The following PCDHGA5 variants were observed in gnomAD, a reference collection of about 807,000 sequenced individuals.
PCDHGA5 encodes protocadherin gamma-A5.
PCDHGA5 carries 36 observed loss-of-function variants against 56.7 expected under a neutral mutation model. The ratio of observed to expected loss-of-function variants is 0.64; its 90% CI spans 0.49 to 0.84. The LOEUF (loss-of-function observed/expected upper bound fraction) is 0.84, where lower values mean the gene tolerates loss of function less well. Among genes scored for constraint, PCDHGA5 ranks in the 40% least tolerant of loss-of-function variants. PCDHGA5 has a pLI of 0.00. For missense variants in PCDHGA5, 1,305 were observed against 1,201.5 expected (o/e 1.09, Z -1.27); for synonymous variants, 563 against 520.2 (o/e 1.08, Z -1.12).
chr5:141,491,869 G>C lies in PCDHGA5; in HGVS notation c.2422-2938G>C. On this transcript the variant is annotated intron_variant, in intron 1 of 3. Transcript: ENST00000518069. This position sits in a 1 kb window ranked among gnomAD's most constrained non-coding sequence, Gnocchi z 6.9. ...GGACCGTTTGCGCGAAACCAGAGTG[G>C]CCGATTAAGGGATGGGGCTCCGAGC... The C allele has an allele frequency of 6.9e-7, 1 of 1,453,094 alleles. No homozygotes were observed. Among genetic ancestry groups the C allele is most frequent in the South Asian group, 1.5e-5 (1 of 68,080 alleles). 90.0% of individuals were successfully genotyped at this position (1,453,094 alleles called of 1,614,324 possible).
At chr5:141,387,016 T>C (rs2090783508) in intron 1 of PCDHGA5, among the ~76,000 whole-genome samples, 1 of 152,202 alleles carries the variant, frequency 6.6e-6, no homozygotes, top group South Asian at 2.1e-4. Flanking sequence ...ACTTTGAAGA[T>C]GAATGTTGTA....
At chr5:141,495,480 C>A (rs2099761689) in intron 2 of PCDHGA5, among the ~76,000 whole-genome samples, 1 of 152,208 alleles carries the variant, frequency 6.6e-6, no homozygotes, top group African/African-American at 2.4e-5. Flanking sequence ...CGTGTCTCTG[C>A]CCCTTTTTCT....
intron 1 of PCDHGA5, chr5:141,395,403 A>G: frequency 2.4e-6 from 2 of 849,494 alleles, no homozygotes; most frequent in East Asian, 2.8e-5. Flanking sequence ...TCTAATAGTC[A>G]TAGGTTATTG....
In PCDHGA5 at chr5:141,432,690, T is replaced by A. The variant is rs764124373; in HGVS notation, c.2422-62117T>A. 5.0e-6 allele frequency: 8 copies of A among 1,613,854 alleles called. No individual in the cohort carries two copies. The highest frequency in any genetic ancestry group is 2.7e-5 in the African/African-American group (2 of 74,940). ...GACGCGCTCAAGCAGAGCCTCGTAGTGGCCGTCCAGGACCACGGCCAGCCC... is the reference window on the plus strand; with the variant it reads ...GACGCGCTCAAGCAGAGCCTCGTAGAGGCCGTCCAGGACCACGGCCAGCCC... On this transcript the variant is annotated intron_variant, in intron 1 of 3. Coordinates refer to ENST00000518069, the MANE Select transcript of PCDHGA5 (RefSeq NM_018918.3). This position sits in a 1 kb window ranked among gnomAD's most constrained non-coding sequence, Gnocchi z 6.0.
intron 1 of PCDHGA5, chr5:141,372,386 C>T (rs376952769): frequency 2.8e-5 from 45 of 1,614,038 alleles, no homozygotes; most frequent in Non-Finnish European, 3.8e-5. Flanking sequence ...ACCTAATCTT[C>T]GCAGATAGCT....
chr5:141,374,926 TG>T, intron 1 of PCDHGA5: 2 of 1,613,970 alleles, frequency 1.2e-6, no homozygotes, highest in Non-Finnish European at 1.7e-6. Context: ...CTTATTCCTT[TG>T]TGAAGATTAC....
At chr5:141,510,040 G>A (rs2099879305) in intron 3 of PCDHGA5, among the ~76,000 whole-genome samples, 1 of 152,220 alleles carries the variant, frequency 6.6e-6, no homozygotes, top group Non-Finnish European at 1.5e-5. Flanking sequence ...GTTATGTAGA[G>A]GTTAAAAGTG....
chr5:141,394,778 C>A (rs377451053), intron 1 of PCDHGA5: 82 of 1,613,634 alleles, frequency 5.1e-5, no homozygotes, highest in Admixed American at 3.7e-4. Context: ...CCCCTCTCTC[C>A]GCCACTGTCA....
chr5:141,415,603 T>C, intron 1 of PCDHGA5: 6 of 1,613,954 alleles, frequency 3.7e-6, no homozygotes, highest in Non-Finnish European at 5.1e-6. Flanking sequence ...GGATACCCCA[T>C]TGGTTCCAGT....
At chr5:141,389,363 C>A (rs776814041) in intron 1 of PCDHGA5, 5 of 1,613,868 alleles carry the variant, frequency 3.1e-6, no homozygotes, top group Non-Finnish European at 4.2e-6. Context: ...TGGCCAGTGA[C>A]CTGGAGCAGC....
chr5:141,385,141 G>A (rs1183220869), intron 1 of PCDHGA5: 30 of 1,614,084 alleles, frequency 1.9e-5, no homozygotes, highest in African/African-American at 6.7e-5. Context: ...CGGGGTGCAG[G>A]CTTTCCTGCA....
chr5:141,453,752 T>C (rs1404363977), intron 1 of PCDHGA5, among the ~76,000 whole-genome samples: 10 of 152,364 alleles, frequency 6.6e-5, no homozygotes, highest in Admixed American at 5.9e-4. Flanking sequence ...AACATAAGTC[T>C]CCTAAAAATA....
chr5:141,387,021 G>A (rs1385427303), intron 1 of PCDHGA5, among the ~76,000 whole-genome samples: 1 of 152,158 alleles, frequency 6.6e-6, no homozygotes, highest in Non-Finnish European at 1.5e-5. Context: ...GAAGATGAAT[G>A]TTGTATTTCA....
At position 141,365,285 on chromosome 5, in the gene PCDHGA5, G is replaced by T. The variant is rs1215849562; in HGVS notation, c.955G>T (p.Val319Leu). 2 of 1,613,898 alleles carry T rather than the reference G, an allele frequency of 1.2e-6. No individual in the cohort carries two copies. Among genetic ancestry groups the T allele is most frequent in the South Asian group, 1.1e-5 (1 of 91,086 alleles). The change falls in exon 1 of 4, where the codon GTG (valine) becomes TTG (leucine). Residue 319 changes from valine to leucine, a missense_variant. Coordinates refer to ENST00000518069, the MANE Select transcript of PCDHGA5 (RefSeq NM_018918.3). The stretch of plus-strand genomic sequence containing the variant: ...AGAATCCAGATTCTACCTCATGGAA[G>T]TGGTAGCTCAGGATGGAGGCGCTCT... ...YEESRFYLME[V>L]VAQDGGALVA...
At chr5:141,452,380 G>A (rs1003689226) in intron 1 of PCDHGA5, among the ~76,000 whole-genome samples, 2 of 152,192 alleles carry the variant, frequency 1.3e-5, no homozygotes, top group Admixed American at 1.3e-4. Context: ...GTAGGGAATA[G>A]TATTTAGAAA....
chr5:141,460,582 G>A (rs1246329967), intron 1 of PCDHGA5, among the ~76,000 whole-genome samples: 2 of 152,022 alleles, frequency 1.3e-5, no homozygotes, highest in South Asian at 4.1e-4. Context: ...GTAGGTGTGG[G>A]TTTTTTCTGG....
intron 1 of PCDHGA5, chr5:141,422,819 TGAGA>T (rs766395950): frequency 6.2e-7 from 1 of 1,614,188 alleles, no homozygotes; most frequent in African/African-American, 1.3e-5. Flanking sequence ...GACTTAGAAC[TGAGA>T]GTGATAGCAC....
intron 3 of PCDHGA5, among the ~76,000 whole-genome samples, chr5:141,505,969 A>G (rs1454691041): frequency 1.3e-5 from 2 of 152,142 alleles, no homozygotes; most frequent in Non-Finnish European, 2.9e-5. Context: ...AGAAATCCCC[A>G]GCCGAGAGAA....
At chr5:141,456,984 C>T (rs374156327) in intron 1 of PCDHGA5, among the ~76,000 whole-genome samples, 1 of 152,082 alleles carries the variant, frequency 6.6e-6, no homozygotes, top group Admixed American at 6.6e-5. Flanking sequence ...AACAAACAAA[C>T]AAACAAAAAC....
Sources: gnomAD v4.1 joint callset for allele counts (sites outside exome capture counted in the v4.1 genomes callset) on GRCh38, gnomAD v4.1.1 for gene constraint, Gnocchi (gnomAD v3.1) non-coding constraint, MANE v1.5 for transcripts, NCBI Gene and HGNC (gene_info 2026-07-23, HGNC 2026-07-21) for gene names.